Variants in GRIK1 observed in about 807,000 individuals in gnomAD.
The protein encoded by GRIK1 is glutamate ionotropic receptor kainate type subunit 1, also known as glutamate receptor ionotropic, kainate 1.
Under a neutral mutation model 105.7 loss-of-function variants are expected in GRIK1, and 69 were observed. The observed-to-expected ratio is 0.65, with a 90% CI of 0.54 to 0.80. The LOEUF (loss-of-function observed/expected upper bound fraction) is 0.80. Ranked by LOEUF, GRIK1 falls within the 30% of genes least tolerant of loss-of-function variation. GRIK1 has a pLI of 0.00. For missense variants in GRIK1, 1,109 were observed against 1,167.3 expected, an observed-to-expected ratio of 0.95 and a Z score of 0.73; for synonymous variants, 438 against 431.3, an observed-to-expected ratio of 1.02 and a Z score of -0.19.
intron 7 of GRIK1, chr21:29,630,612 A>C: frequency 2.1e-6 from 1 of 471,326 alleles, no homozygotes; most frequent in South Asian, 1.5e-5. Context: ...GAGGACCTTG[A>C]ACCTAGAATG....
intron 11 of GRIK1, 33 bp downstream of exon 11, chr21:29,588,806 A>G (rs758591017): frequency 2.6e-6 from 3 of 1,134,044 alleles, no homozygotes; most frequent in African/African-American, 1.5e-5. Flanking sequence ...TCTTATGCAT[A>G]TTTTCAGATA....
At chr21:29,699,053 T>C (rs2063764820) in intron 1 of GRIK1, among the ~76,000 whole-genome samples, 1 of 152,192 alleles carries the variant, frequency 6.6e-6, no homozygotes, top group Non-Finnish European at 1.5e-5. Context: ...ATGCTGATGC[T>C]AAACTGGTCT....
chr21:29,644,949 A>C lies in GRIK1; in HGVS notation c.955-1980T>G, dbSNP rs115000774. Reference sequence around the variant, plus strand: ...AAAAAGATGTTAAATGGGATCCCCAAACTCATGGGGGGACAGGCAATATTC... The same window carrying C: ...AAAAAGATGTTAAATGGGATCCCCACACTCATGGGGGGACAGGCAATATTC... On this transcript the variant is annotated intron_variant, in intron 6 of 17. Transcript: ENST00000327783. 3.0e-3 allele frequency among the ~76,000 whole-genome samples: 459 copies of C among 152,324 alleles called. 2 individuals carry two copies. Among genetic ancestry groups the C allele is most frequent in the African/African-American group, 0.01 (424 of 41,578 alleles).
chr21:29,793,919 G>A (rs1314957075), intron 1 of GRIK1, among the ~76,000 whole-genome samples: 2 of 152,064 alleles, frequency 1.3e-5, no homozygotes, highest in African/African-American at 2.4e-5. Flanking sequence ...CTTTGCCCTC[G>A]TGGAAGACAC....
At chr21:29,915,057 A>G (rs1489159094) in intron 1 of GRIK1, among the ~76,000 whole-genome samples, 1 of 152,122 alleles carries the variant, frequency 6.6e-6, no homozygotes, top group Non-Finnish European at 1.5e-5. Context: ...ACCCAAAAGT[A>G]TCATCAAAAA....
chr21:29,859,267 C>A (rs142075763), intron 1 of GRIK1, among the ~76,000 whole-genome samples: 1 of 151,484 alleles, frequency 6.6e-6, no homozygotes, highest in Non-Finnish European at 1.5e-5. Context: ...ATGTAAATGA[C>A]GAATTAATGG....
chr21:29,865,341 A>G (rs1257842258), intron 1 of GRIK1, among the ~76,000 whole-genome samples: 1 of 152,186 alleles, frequency 6.6e-6, no homozygotes, highest in Non-Finnish European at 1.5e-5. Context: ...CTGGGCCTCT[A>G]TTCATTTAGC....
At chr21:29,718,159 A>G (rs2064225422) in intron 1 of GRIK1, among the ~76,000 whole-genome samples, 1 of 152,180 alleles carries the variant, frequency 6.6e-6, no homozygotes, top group African/African-American at 2.4e-5. Context: ...TCTCTTTTTT[A>G]TAAATTACTC....
intron 1 of GRIK1, among the ~76,000 whole-genome samples, chr21:29,751,207 A>G (rs1489733284): frequency 6.6e-6 from 1 of 152,224 alleles, no homozygotes; most frequent in Non-Finnish European, 1.5e-5. Flanking sequence ...ATGATGGCTT[A>G]GCTTGGGCTC....
chr21:29,789,599 C>T (rs1016323680), intron 1 of GRIK1, among the ~76,000 whole-genome samples: 12 of 152,186 alleles, frequency 7.9e-5, no homozygotes, highest in African/African-American at 2.7e-4. Context: ...TCATACCTCA[C>T]GGAGTAAGCA....
At chr21:29,887,550 C>T (rs554965778) in intron 1 of GRIK1, among the ~76,000 whole-genome samples, 1 of 152,294 alleles carries the variant, frequency 6.6e-6, no homozygotes, top group African/African-American at 2.4e-5. Context: ...TGCTAGACTA[C>T]TGATAACAAC....
chr21:29,615,005 C>T (rs911624194), intron 7 of GRIK1, among the ~76,000 whole-genome samples: 5 of 151,520 alleles, frequency 3.3e-5, no homozygotes, highest in Admixed American at 6.6e-5. Context: ...CAAATAAGGA[C>T]GGTTCGCAGA....
intron 1 of GRIK1, among the ~76,000 whole-genome samples, chr21:29,848,956 A>AT (rs1338792698): frequency 6.6e-6 from 1 of 151,806 alleles, no homozygotes; most frequent in African/African-American, 2.4e-5. Context: ...TTTCTTTATC[A>AT]TAACACTCTG....
intron 7 of GRIK1, among the ~76,000 whole-genome samples, chr21:29,604,084 A>G (rs1214290313): frequency 2.0e-5 from 3 of 152,212 alleles, no homozygotes; most frequent in Non-Finnish European, 4.4e-5. Flanking sequence ...CTTAAAACCC[A>G]GATCAGAAAT....
chr21:29,642,914 C>A lies in GRIK1; in HGVS notation c.1010G>T (p.Arg337Leu), dbSNP rs140284503. 1.2e-6 allele frequency: 2 copies of A among 1,613,736 alleles called. No homozygotes were observed. Among genetic ancestry groups the A allele is most frequent in the African/African-American group, 2.7e-5 (2 of 74,916 alleles). ...GGAGCTGACGGTCAGCTGGGATGCC[C>A]GGTGCGAGGCAATGGCCACCATGTA... is the stretch of plus-strand genomic sequence containing the variant. ...AVYMVAIASH[R>L]ASQLTVSSLQ... Residue 337 changes from arginine (R) to leucine (L), a missense_variant, in exon 7 of 18, where the codon CGG (arginine) becomes CTG (leucine). By Grantham distance (102) the Arg-to-Leu change is moderately radical. Transcript: ENST00000327783.
chr21:29,788,615 T>C (rs1026017389), intron 1 of GRIK1, among the ~76,000 whole-genome samples: 4 of 152,240 alleles, frequency 2.6e-5, no homozygotes, highest in South Asian at 2.1e-4. Context: ...ATTACATTTA[T>C]TGTGCACTTT....
intron 1 of GRIK1, among the ~76,000 whole-genome samples, chr21:29,751,743 G>C (rs111610746): frequency 0.031 from 4,787 of 152,238 alleles, 114 homozygotes; most frequent in African/African-American, 0.063. Context: ...TGTCCTGGTG[G>C]GTACTGGTAC....
At chr21:29,542,976 C>A (rs1002280308) in intron 16 of GRIK1, among the ~76,000 whole-genome samples, 1 of 152,138 alleles carries the variant, frequency 6.6e-6, no homozygotes, top group African/African-American at 2.4e-5. Context: ...GATGTAAAAC[C>A]TTGCATTTTA....
chr21:29,928,778 T>TAC (rs1439245626), intron 1 of GRIK1, among the ~76,000 whole-genome samples: 1 of 152,162 alleles, frequency 6.6e-6, no homozygotes, highest in Non-Finnish European at 1.5e-5. Context: ...TAGAGGCTGA[T>TAC]ACCCAGGACC....
Sources: gnomAD v4.1 joint callset for allele counts (sites outside exome capture counted in the v4.1 genomes callset) on GRCh38, gnomAD v4.1.1 for gene constraint, MANE v1.5 for transcripts, NCBI Gene and HGNC (gene_info 2026-07-23, HGNC 2026-07-21) for gene names.